Variants in PPFIBP1 observed in about 807,000 individuals in gnomAD.
PPFIBP1 encodes liprin-beta-1.
In PPFIBP1, 112 loss-of-function variants were observed where a neutral mutation model predicts 137.8. The observed-to-expected ratio is 0.81, with a 90% confidence interval of 0.70 to 0.95. The LOEUF (loss-of-function observed/expected upper bound fraction) is 0.95. Among genes scored for constraint, PPFIBP1 ranks in the 40% least tolerant of loss-of-function variants. PPFIBP1 has a pLI of 0.00. For synonymous variants in PPFIBP1, 378 were observed against 417.3 expected (o/e 0.91, Z 1.15); for missense variants, 1,083 against 1,196.6 (o/e 0.91, Z 1.40).
intron 1 of PPFIBP1, among the ~76,000 whole-genome samples, chr12:27,563,112 T>G (rs1034022118): frequency 1.3e-5 from 2 of 150,952 alleles, no homozygotes; most frequent in African/African-American, 4.9e-5. Context: ...ATGATCTAGG[T>G]GGGCCGTATG....
intron 10 of PPFIBP1, among the ~76,000 whole-genome samples, chr12:27,659,170 G>A (rs1034573634): frequency 6.6e-6 from 1 of 152,156 alleles, no homozygotes; most frequent in African/African-American, 2.4e-5. Context: ...TTTATAGTAC[G>A]AAAACTCACG....
intron 12 of PPFIBP1, among the ~76,000 whole-genome samples, chr12:27,666,672 C>G (rs2059877198): frequency 6.6e-6 from 1 of 152,112 alleles, no homozygotes; most frequent in Non-Finnish European, 1.5e-5. Context: ...CTTGAGAGAT[C>G]AAAGATCATC....
intron 9 of PPFIBP1, 120 bp downstream of exon 9, chr12:27,656,850 G>T: frequency 1.5e-6 from 1 of 665,644 alleles, no homozygotes; most frequent in Non-Finnish European, 2.6e-6. Context: ...GCAGAATCCA[G>T]CCAGGACCAG....
At chr12:27,630,146 A>G (rs4931209) in intron 2 of PPFIBP1, among the ~76,000 whole-genome samples, 48,089 of 151,786 alleles carry the variant, frequency 0.32, 8,175 homozygotes, top group Middle Eastern at 0.39. Flanking sequence ...CAAATGATAG[A>G]TGGGACAAAC....
intron 24 of PPFIBP1, among the ~76,000 whole-genome samples, chr12:27,687,142 A>G (rs781182631): frequency 1.3e-5 from 2 of 152,220 alleles, no homozygotes; most frequent in African/African-American, 2.4e-5. Flanking sequence ...CTGGGGTTCT[A>G]CAGATCTCAG....
intron 1 of PPFIBP1, among the ~76,000 whole-genome samples, chr12:27,571,716 C>T (rs1473485539): frequency 6.6e-6 from 1 of 152,146 alleles, no homozygotes; most frequent in African/African-American, 2.4e-5. Flanking sequence ...GGGCTGAAGT[C>T]ATTGTTTTTA....
At chr12:27,604,575 G>A (rs11049064) in intron 2 of PPFIBP1, among the ~76,000 whole-genome samples, 28,938 of 152,148 alleles carry the variant, frequency 0.19, 3,069 homozygotes, top group South Asian at 0.38. Flanking sequence ...CATAAATAAA[G>A]CTTTCTCTGC....
intron 2 of PPFIBP1, among the ~76,000 whole-genome samples, chr12:27,607,453 T>G (rs2054630848): frequency 6.6e-6 from 1 of 152,222 alleles, no homozygotes. Flanking sequence ...AAGAAGCAGA[T>G]GTGAAAGAAA....
At chr12:27,579,485 C>T (rs1454685157) in intron 2 of PPFIBP1, among the ~76,000 whole-genome samples, 2 of 152,114 alleles carry the variant, frequency 1.3e-5, no homozygotes, top group African/African-American at 2.4e-5. Flanking sequence ...CTTGTGATGC[C>T]TTTGTTTAGT....
chr12:27,539,187 A>C (rs1945380173), intron 1 of PPFIBP1, among the ~76,000 whole-genome samples: 2 of 152,094 alleles, frequency 1.3e-5, no homozygotes, highest in African/African-American at 2.4e-5. Flanking sequence ...CTGCAAAATC[A>C]TACTTTGAAA....
chr12:27,593,129 CAAAAAAAAA>C (rs33939858), intron 2 of PPFIBP1, among the ~76,000 whole-genome samples: 1 of 100,944 alleles, frequency 9.9e-6, no homozygotes. Context: ...AAGAATGTCT[CAAAAAAAAA>C]AAAAAAAAAA....
intron 2 of PPFIBP1, among the ~76,000 whole-genome samples, chr12:27,580,484 TG>T (rs1376213979): frequency 6.6e-6 from 1 of 152,198 alleles, no homozygotes; most frequent in Non-Finnish European, 1.5e-5. Flanking sequence ...CCAAATCTGC[TG>T]TAACAATTGA....
chr12:27,541,208 C>A lies in PPFIBP1; in HGVS notation c.-124+16843C>A, dbSNP rs1470372225. 2.6e-5 allele frequency among the ~76,000 whole-genome samples: 4 copies of A among 151,636 alleles called. No individual in the cohort carries two copies. The East Asian group carries it at 7.7e-4, about 29-fold the overall frequency. ...TAAATGGGCCTGAAGTGCTTATGGGCACCCACTATGTATCATGGGAAAACT... is the reference window on the plus strand; with the variant it reads ...TAAATGGGCCTGAAGTGCTTATGGGAACCCACTATGTATCATGGGAAAACT... On this transcript the variant is annotated intron_variant, in intron 1 of 29. Coordinates refer to ENST00000228425, the MANE Select transcript of PPFIBP1 (RefSeq NM_003622.4).
At chr12:27,656,898 G>T in intron 9 of PPFIBP1, 168 bp downstream of exon 9, 1 of 526,088 alleles carries the variant, frequency 1.9e-6, no homozygotes, top group South Asian at 2.3e-5. Context: ...TACTGTGACT[G>T]GGAATCCATT....
intron 2 of PPFIBP1, among the ~76,000 whole-genome samples, chr12:27,623,612 G>T (rs1301498384): frequency 6.6e-6 from 1 of 152,100 alleles, no homozygotes; most frequent in Admixed American, 6.5e-5. Context: ...GGAGGCTGAG[G>T]TGGGAGGATC....
chr12:27,595,297 T>C (rs2053074930), intron 2 of PPFIBP1, among the ~76,000 whole-genome samples: 1 of 152,100 alleles, frequency 6.6e-6, no homozygotes, highest in Admixed American at 6.5e-5. Context: ...CACACACACA[T>C]GCACGCAAGA....
At chr12:27,667,970 C>G (rs1033708028) in intron 13 of PPFIBP1, among the ~76,000 whole-genome samples, 1 of 152,152 alleles carries the variant, frequency 6.6e-6, no homozygotes, top group Non-Finnish European at 1.5e-5. Flanking sequence ...AGCCACAGGC[C>G]TGCAGCCCAC....
chr12:27,596,839 A>G (rs1295508747), intron 2 of PPFIBP1, among the ~76,000 whole-genome samples: 1 of 152,248 alleles, frequency 6.6e-6, no homozygotes, highest in Non-Finnish European at 1.5e-5. Context: ...GAATGGTTGT[A>G]TAACTCTCTC....
Position 27,538,780 on chromosome 12 carries a change from G to A in PPFIBP1, c.-124+14415G>A, listed in dbSNP as rs529344464. 5.3e-5 allele frequency among the ~76,000 whole-genome samples: 8 copies of A among 152,324 alleles called. No individual in the cohort carries two copies. In the South Asian group the frequency reaches 8.3e-4, roughly 16 times the overall value. On this transcript the variant is annotated intron_variant, in intron 1 of 29. Transcript: ENST00000228425. The stretch of plus-strand genomic sequence containing the variant: ...TAAGCTTGGCCTCCTACCTGGGCAC[G>A]AAAGTAGTATGGAATGGTGGATCTT...
Sources: gnomAD v4.1 joint callset for allele counts (sites outside exome capture counted in the v4.1 genomes callset) on GRCh38, gnomAD v4.1.1 for gene constraint, MANE v1.5 for transcripts, NCBI Gene and HGNC (gene_info 2026-07-23, HGNC 2026-07-21) for gene names.